The following COL13A1 variants were observed in gnomAD, a reference collection of about 807,000 sequenced individuals.
COL13A1 encodes collagen alpha-1(XIII) chain.
In COL13A1, 89 loss-of-function variants were observed where a neutral mutation model predicts 130.9. The observed-to-expected ratio is 0.68, with a 90% CI of 0.57 to 0.81. The LOEUF is 0.81. Among genes scored for constraint, COL13A1 ranks in the 30% least tolerant of loss-of-function variants. The pLI is 0.00. For missense variants in COL13A1, 879 were observed against 934.6 expected, an observed-to-expected ratio of 0.94 and a Z score of 0.78; for synonymous variants, 402 against 341.6, an observed-to-expected ratio of 1.18 and a Z score of -1.95.
At chr10:69,929,258 C>T (rs1262045519) in intron 28 of COL13A1, among the ~76,000 whole-genome samples, 1 of 151,866 alleles carries the variant, frequency 6.6e-6, no homozygotes. Flanking sequence ...CCTGCCCTTG[C>T]CCCAACCAGA....
chr10:69,817,384 GCTTTTCTTCT>G (rs2132462670), intron 1 of COL13A1, among the ~76,000 whole-genome samples: 1 of 151,362 alleles, frequency 6.6e-6, no homozygotes, highest in African/African-American at 2.4e-5. Context: ...TCTTCTGCTT[GCTTTTCTTCT>G]CAAGGTCATC....
chr10:69,906,936 G>A (rs1159797371), intron 17 of COL13A1, among the ~76,000 whole-genome samples: 1 of 152,014 alleles, frequency 6.6e-6, no homozygotes, highest in African/African-American at 2.4e-5. Flanking sequence ...TCACCATGTT[G>A]GCCAGGATGG....
chr10:69,808,502 C>T (rs1842155141), intron 1 of COL13A1, among the ~76,000 whole-genome samples: 1 of 152,236 alleles, frequency 6.6e-6, no homozygotes, highest in African/African-American at 2.4e-5. Flanking sequence ...CACTCTTTCC[C>T]ATTCAGCCTA....
At chr10:69,889,565 C>G in intron 10 of COL13A1, 125 bp downstream of exon 10, 1 of 1,243,148 alleles carries the variant, frequency 8.0e-7, no homozygotes, top group Non-Finnish European at 1.2e-6. Context: ...GCTGGTCACT[C>G]CCCAGCTGTG....
At chr10:69,855,554 T>A (rs1856190360) in intron 2 of COL13A1, among the ~76,000 whole-genome samples, 1 of 152,182 alleles carries the variant, frequency 6.6e-6, no homozygotes, top group African/African-American at 2.4e-5. Flanking sequence ...AATTGCTGTA[T>A]ATGTTGTTAA....
chr10:69,804,082 G>T lies in COL13A1; in HGVS notation c.294+1365G>T, dbSNP rs576971504. Among the ~76,000 whole-genome samples, 10 of 152,270 alleles carry T rather than the reference G, an allele frequency of 6.6e-5. No individual in the cohort carries two copies. In the East Asian group the frequency reaches 1.9e-3, roughly 30 times the overall value. On this transcript the variant is annotated intron_variant, in intron 1 of 40. Transcript: ENST00000645393. Reference sequence around the variant, plus strand: ...TCAGCTCATTCCCACGCCCTGCCAGGCTCCAGGGAATCCGGAGAACTCCAT... The same window carrying T: ...TCAGCTCATTCCCACGCCCTGCCAGTCTCCAGGGAATCCGGAGAACTCCAT...
intron 25 of COL13A1, 129 bp from the exon 26 acceptor site, chr10:69,925,675 C>T (rs949095864): frequency 3.3e-5 from 22 of 661,438 alleles, no homozygotes; most frequent in Non-Finnish European, 5.1e-5. Context: ...CCCAGGGCCC[C>T]GCTGGCTGTT....
chr10:69,823,705 C>A (rs1379256477), intron 2 of COL13A1, among the ~76,000 whole-genome samples: 1 of 152,150 alleles, frequency 6.6e-6, no homozygotes, highest in Non-Finnish European at 1.5e-5. Flanking sequence ...CCCTGGGAGA[C>A]AAGGAGACCG....
chr10:69,846,312 C>T (rs926561710), intron 2 of COL13A1, among the ~76,000 whole-genome samples: 5 of 152,014 alleles, frequency 3.3e-5, no homozygotes, highest in African/African-American at 1.2e-4. Flanking sequence ...TCCTAATCAA[C>T]AGGAAGGGCC....
intron 2 of COL13A1, among the ~76,000 whole-genome samples, chr10:69,835,612 G>C (rs918750698): frequency 6.6e-6 from 1 of 152,184 alleles, no homozygotes; most frequent in African/African-American, 2.4e-5. Context: ...TTCTCCTGAT[G>C]AGGACCCTGA....
intron 9 of COL13A1, 60 bp from the exon 10 acceptor site, chr10:69,889,354 G>C: frequency 6.3e-7 from 1 of 1,578,620 alleles, no homozygotes; most frequent in Admixed American, 1.8e-5. Context: ...ATGAAGGACA[G>C]AGGGTGGAAC....
intron 2 of COL13A1, among the ~76,000 whole-genome samples, chr10:69,828,503 C>G (rs925129311): frequency 6.6e-6 from 1 of 152,242 alleles, no homozygotes; most frequent in Non-Finnish European, 1.5e-5. Context: ...GTCTCTCTAG[C>G]CTGATCTCTG....
At chr10:69,818,701 G>A (rs1161968816) in intron 1 of COL13A1, among the ~76,000 whole-genome samples, 5 of 152,166 alleles carry the variant, frequency 3.3e-5, no homozygotes, top group Non-Finnish European at 7.3e-5. Context: ...TGTGGTGCAG[G>A]GGGAGTCAAT....
At chr10:69,809,104 G>C (rs1842324566) in intron 1 of COL13A1, among the ~76,000 whole-genome samples, 1 of 152,158 alleles carries the variant, frequency 6.6e-6, no homozygotes, top group Non-Finnish European at 1.5e-5. Context: ...AGAGTCGGGG[G>C]GTGGCAAAAT....
intron 40 of COL13A1, 26 bp downstream of exon 40, chr10:69,957,068 G>A: frequency 6.2e-7 from 1 of 1,604,446 alleles, no homozygotes; most frequent in Non-Finnish European, 8.5e-7. Context: ...GGTGTGCACT[G>A]GGGCTCCGTT....
intron 5 of COL13A1, among the ~76,000 whole-genome samples, chr10:69,875,782 G>A (rs1024346852): frequency 6.6e-6 from 1 of 152,248 alleles, no homozygotes; most frequent in Non-Finnish European, 1.5e-5. Flanking sequence ...CAGCCCCTGA[G>A]TGTCTACAAA....
chr10:69,830,617 C>T (rs997236458), intron 2 of COL13A1, among the ~76,000 whole-genome samples: 2 of 152,154 alleles, frequency 1.3e-5, no homozygotes, highest in African/African-American at 4.8e-5. Flanking sequence ...ACATCAAATT[C>T]AGCAGGGAGG....
chr10:69,912,805 G>C (rs2063524933), intron 17 of COL13A1, among the ~76,000 whole-genome samples: 1 of 152,126 alleles, frequency 6.6e-6, no homozygotes, highest in South Asian at 2.1e-4. Context: ...CCAAGTCCCT[G>C]CCCAGCTTGT....
At chr10:69,870,510 G>A (rs1442996976) in intron 3 of COL13A1, among the ~76,000 whole-genome samples, 1 of 147,278 alleles carries the variant, frequency 6.8e-6, no homozygotes, top group Non-Finnish European at 1.5e-5. Flanking sequence ...TTTTAGAGAC[G>A]GGGTTTTGCT....
Sources: allele counts gnomAD v4.1 joint callset (sites outside exome capture counted in the v4.1 genomes callset), GRCh38; gene constraint gnomAD v4.1.1; transcripts MANE v1.5; gene names NCBI Gene and HGNC (gene_info 2026-07-23, HGNC 2026-07-21).